The following RIT2 variants were observed in gnomAD, a reference collection of about 807,000 sequenced individuals.
The protein encoded by RIT2 is Ras like without CAAX 2.
RIT2 carries 24 observed loss-of-function variants against 23.7 expected under a neutral mutation model. The observed-to-expected ratio is 1.01, with a 90% CI of 0.73 to 1.43. RIT2 has a LOEUF of 1.43. Among genes scored for constraint, RIT2 ranks in the 40% most tolerant of loss-of-function variants. RIT2 has a pLI of 0.00. For missense variants in RIT2, 236 were observed against 266.9 expected (o/e 0.88, Z 0.81); for synonymous variants, 107 against 91.1 (o/e 1.17, Z -0.99).
intron 2 of RIT2, among the ~76,000 whole-genome samples, chr18:43,017,300 C>T (rs1598749222): frequency 6.6e-6 from 1 of 151,898 alleles, no homozygotes; most frequent in Admixed American, 6.6e-5. Flanking sequence ...TAGGTCATGT[C>T]TACATGAATA....
At chr18:43,072,866 C>CA (rs1481459795) in intron 1 of RIT2, among the ~76,000 whole-genome samples, 1 of 152,128 alleles carries the variant, frequency 6.6e-6, no homozygotes, top group Admixed American at 6.6e-5. Flanking sequence ...TGTTATTCAA[C>CA]ACTTTAACAC....
chr18:42,781,514 G>A (rs1913810626), intron 4 of RIT2, among the ~76,000 whole-genome samples: 1 of 152,032 alleles, frequency 6.6e-6, no homozygotes, highest in South Asian at 2.1e-4. Context: ...CTCTCCCTGG[G>A]GGCCTCAACT....
At chr18:42,872,777 A>G (rs1907651924) in intron 4 of RIT2, among the ~76,000 whole-genome samples, 1 of 152,200 alleles carries the variant, frequency 6.6e-6, no homozygotes, top group African/African-American at 2.4e-5. Context: ...CTCAAATGTT[A>G]GAATCAGATT....
At chr18:42,896,178 C>T (rs1178631228) in intron 4 of RIT2, among the ~76,000 whole-genome samples, 2 of 152,164 alleles carry the variant, frequency 1.3e-5, no homozygotes, top group East Asian at 1.9e-4. Context: ...GCAAGAGAAT[C>T]ATTTGTACCT....
intron 2 of RIT2, among the ~76,000 whole-genome samples, chr18:43,027,590 A>T (rs1911763372): frequency 6.6e-6 from 1 of 151,962 alleles, no homozygotes; most frequent in Non-Finnish European, 1.5e-5. Flanking sequence ...TATCTTCTAG[A>T]TGTTTCCATT....
At chr18:42,936,007 A>G (rs1909449188) in intron 3 of RIT2, among the ~76,000 whole-genome samples, 1 of 151,416 alleles carries the variant, frequency 6.6e-6, no homozygotes, top group Non-Finnish European at 1.5e-5. Flanking sequence ...TCCGAGATAC[A>G]GTGCGAAAGG....
chr18:42,869,495 C>T (rs939303751), intron 4 of RIT2, among the ~76,000 whole-genome samples: 5 of 152,182 alleles, frequency 3.3e-5, no homozygotes, highest in Admixed American at 3.3e-4. Flanking sequence ...CTACTTGCCT[C>T]AATACTTCAC....
chr18:42,861,118 T>C (rs1236747480), intron 4 of RIT2, among the ~76,000 whole-genome samples: 3 of 152,242 alleles, frequency 2.0e-5, no homozygotes, highest in African/African-American at 7.2e-5. Context: ...AAAACAACTA[T>C]ATTTGGGCAA....
chr18:43,071,293 C>T (rs537680648), intron 1 of RIT2, among the ~76,000 whole-genome samples: 8 of 152,162 alleles, frequency 5.3e-5, no homozygotes, highest in East Asian at 1.9e-4. Context: ...TGCTAGAATC[C>T]GATGCTTTTA....
intron 4 of RIT2, among the ~76,000 whole-genome samples, chr18:42,807,582 A>G (rs604565): frequency 0.59 from 89,930 of 152,096 alleles, 30,350 homozygotes; most frequent in Middle Eastern, 0.76. Flanking sequence ...GCACCACTGC[A>G]CTCCAGCCTG....
intron 4 of RIT2, among the ~76,000 whole-genome samples, chr18:42,757,999 C>CT (rs199841707): frequency 0.032 from 4,709 of 145,302 alleles, 151 homozygotes; most frequent in African/African-American, 0.078. Context: ...GCTGAATAAC[C>CT]TTTTTTTTTT....
rs1200887243 is a variant in RIT2 at position 42,974,113 on chromosome 18, A to T, written c.195T>A (p.Asn65Lys). 6.2e-7 allele frequency: 1 copy of T among 1,611,806 alleles called. No homozygotes were observed. The highest frequency in any genetic ancestry group is 1.1e-5 in the South Asian group (1 of 90,968). ...DAYKTQVRID[N>K]EPAYLDILDT... ...CCAAGATGTCCAAGTAAGCTGGCTC[A>T]TTGTCAATCCTGACCTGGGTCTTAT... The change falls in exon 3 of 5, where the codon AAT becomes AAA. Residue 65 changes from asparagine (N) to lysine (K), a missense_variant. By Grantham distance (94) the Asn-to-Lys change is moderately conservative. Transcript: ENST00000326695.
chr18:42,753,043 G>C (rs906775980), intron 4 of RIT2, among the ~76,000 whole-genome samples: 1 of 152,148 alleles, frequency 6.6e-6, no homozygotes, highest in African/African-American at 2.4e-5. Flanking sequence ...TCCCTGAAAT[G>C]CTATTTCCCA....
At chr18:42,962,307 A>G (rs1467424397) in intron 3 of RIT2, among the ~76,000 whole-genome samples, 1 of 152,224 alleles carries the variant, frequency 6.6e-6, no homozygotes, top group Non-Finnish European at 1.5e-5. Flanking sequence ...ACAATTTTAA[A>G]AACGGGAAGA....
intron 3 of RIT2, among the ~76,000 whole-genome samples, chr18:42,935,458 G>C (rs1909430925): frequency 6.6e-6 from 1 of 152,030 alleles, no homozygotes; most frequent in Non-Finnish European, 1.5e-5. Context: ...CATGGATACC[G>C]CAGGGTTGGT....
chr18:42,783,391 A>T (rs1036979863), intron 4 of RIT2, among the ~76,000 whole-genome samples: 1 of 152,130 alleles, frequency 6.6e-6, no homozygotes, highest in East Asian at 1.9e-4. Flanking sequence ...GTGGAAGGAA[A>T]TAAAGATTTT....
chr18:43,033,544 A>G (rs1911905735), intron 2 of RIT2, among the ~76,000 whole-genome samples: 1 of 152,134 alleles, frequency 6.6e-6, no homozygotes, highest in South Asian at 2.1e-4. Flanking sequence ...ATCCATTATT[A>G]GATACTGAAA....
At chr18:42,787,578 G>A (rs978823391) in intron 4 of RIT2, among the ~76,000 whole-genome samples, 4 of 152,088 alleles carry the variant, frequency 2.6e-5, no homozygotes, top group Non-Finnish European at 4.4e-5. Context: ...TAGCAGGTTC[G>A]GAGTCAATGC....
At chr18:42,820,577 T>G (rs1906120142) in intron 4 of RIT2, among the ~76,000 whole-genome samples, 1 of 152,096 alleles carries the variant, frequency 6.6e-6, no homozygotes, top group South Asian at 2.1e-4. Context: ...CCCCTGGCTT[T>G]CTTCTTAATG....
Sources: gnomAD v4.1 joint callset for allele counts (sites outside exome capture counted in the v4.1 genomes callset) on GRCh38, gnomAD v4.1.1 for gene constraint, MANE v1.5 for transcripts, NCBI Gene and HGNC (gene_info 2026-07-23, HGNC 2026-07-21) for gene names.